USP34: variants seen among roughly 807,000 people sequenced by gnomAD.
USP34 encodes ubiquitin specific peptidase 34.
In USP34, 70 loss-of-function variants were observed where a neutral mutation model predicts 460.3. The observed-to-expected ratio is 0.15, with a 90% CI of 0.13 to 0.19. The LOEUF is 0.19. Among genes scored for constraint, USP34 ranks in the 10% least tolerant of loss-of-function variants. The pLI, the probability that USP34 is intolerant of heterozygous loss-of-function variation, is 1.00. For missense variants in USP34, 3,985 were observed against 4,236.2 expected, an observed-to-expected ratio of 0.94 and a Z score of 1.65; for synonymous variants, 1,647 against 1,405.3, an observed-to-expected ratio of 1.17 and a Z score of -3.85.
At chr2:61,224,862 T>C (rs1187021350) in intron 62 of USP34, among the ~76,000 whole-genome samples, 1 of 152,238 alleles carries the variant, frequency 6.6e-6, no homozygotes, top group Non-Finnish European at 1.5e-5. Context: ...CTCTTGAGTT[T>C]CTTTACCATG....
chr2:61,387,577 TAA>T (rs1268892554), intron 5 of USP34, among the ~76,000 whole-genome samples: 4 of 146,056 alleles, frequency 2.7e-5, no homozygotes, highest in Admixed American at 6.9e-5. Context: ...CACACATATA[TAA>T]AATATATATA....
At chr2:61,189,176 TAAG>T in intron 78 of USP34, 107 bp from the exon 79 acceptor site, 1 of 1,196,530 alleles carries the variant, frequency 8.4e-7, no homozygotes, top group Non-Finnish European at 1.2e-6. Flanking sequence ...CATTCTTTCC[TAAG>T]AATACCCTGG....
chr2:61,237,423 A>G (rs1688099508), intron 53 of USP34, among the ~76,000 whole-genome samples: 1 of 152,044 alleles, frequency 6.6e-6, no homozygotes, highest in South Asian at 2.1e-4. Flanking sequence ...CTGGACCTAA[A>G]GGCTGGTAAT....
intron 27 of USP34, among the ~76,000 whole-genome samples, chr2:61,306,538 G>C (rs1035995849): frequency 6.6e-6 from 1 of 152,132 alleles, no homozygotes; most frequent in African/African-American, 2.4e-5. Context: ...GCTTAGGATT[G>C]TCTTGGCAAT....
Position 61,219,445 on chromosome 2 carries a change from C to A in USP34, c.8047+865G>T, listed in dbSNP as rs547855453. The stretch of plus-strand genomic sequence containing the variant: ...CAACACTTTGGGAGGCAGAGGTGGG[C>A]GGATCACTTGAGGTCAGGAGATCAA... On this transcript the variant is annotated intron_variant, in intron 67 of 79. Transcript: ENST00000398571. Among the ~76,000 whole-genome samples the A allele has an allele frequency of 9.9e-5, 15 of 152,136 alleles. No homozygotes were observed. In the South Asian group the frequency reaches 2.9e-3, roughly 29 times the overall value.
chr2:61,377,926 C>T (rs1274381114), intron 8 of USP34, among the ~76,000 whole-genome samples: 1 of 152,206 alleles, frequency 6.6e-6, no homozygotes. Flanking sequence ...CGCCTGTAAT[C>T]CCAACACTTT....
chr2:61,221,780 G>C (rs1206275424), intron 65 of USP34, 174 bp from the exon 66 acceptor site: 3 of 515,496 alleles, frequency 5.8e-6, no homozygotes, highest in Non-Finnish European at 9.8e-6. Flanking sequence ...GGATCAGCGA[G>C]GGGTACAAAG....
At chr2:61,334,511 A>G (rs1180435650) in intron 18 of USP34, among the ~76,000 whole-genome samples, 1 of 152,190 alleles carries the variant, frequency 6.6e-6, no homozygotes, top group African/African-American at 2.4e-5. Context: ...GGTTGGCTGC[A>G]TGAGCCTTAA....
At position 61,207,057 on chromosome 2, in the gene USP34, T is replaced by C; in HGVS notation, c.8920-171A>G. ...TCCTGAAGTTAAACTCTCATTAAGC[T>C]CTTTTAAACATTCCTCACCTTCAGA... is the stretch of plus-strand genomic sequence containing the variant. On this transcript the variant is annotated intron_variant, in intron 70 of 79. Coordinates refer to ENST00000398571, the MANE Select transcript of USP34 (RefSeq NM_014709.4). 1.3e-5 allele frequency: 8 copies of C among 610,198 alleles called. No homozygotes were observed. In the South Asian group the frequency reaches 1.7e-4, roughly 13 times the overall value. The allele number at this position is 610,198 out of a possible 1,614,324, so 37.8% of individuals were successfully genotyped here.
At chr2:61,221,726 A>G (rs1687593270) in intron 65 of USP34, 120 bp from the exon 66 acceptor site, 2 of 863,304 alleles carry the variant, frequency 2.3e-6, no homozygotes, top group African/African-American at 3.5e-5. Context: ...AGGAGAGCTC[A>G]GCCAGTACTT....
chr2:61,461,992 C>T (rs1227987942), intron 1 of USP34, among the ~76,000 whole-genome samples: 3 of 152,084 alleles, frequency 2.0e-5, no homozygotes, highest in Non-Finnish European at 4.4e-5. Context: ...GTAGTCACAG[C>T]ATTTTAGGGG....
At chr2:61,360,026 AC>A (rs924961559) in intron 10 of USP34, among the ~76,000 whole-genome samples, 11 of 151,486 alleles carry the variant, frequency 7.3e-5, no homozygotes, top group Non-Finnish European at 1.6e-4. Context: ...CTCACGATCC[AC>A]CCGCCTCAGC....
At chr2:61,405,235 AAAAAAAAAAAAAAAAAAAAAAAG>A in intron 3 of USP34, among the ~76,000 whole-genome samples, 1 of 40,898 alleles carries the variant, frequency 2.4e-5, no homozygotes, top group East Asian at 1.2e-3. Flanking sequence ...TCCATCTCAA[AAAAAAAAAAAAAAAAAAAAAAAG>A]AAAGAAAGAA....
intron 1 of USP34, among the ~76,000 whole-genome samples, chr2:61,454,557 GTTC>G (rs1331917249): frequency 6.6e-6 from 1 of 151,748 alleles, no homozygotes; most frequent in African/African-American, 2.4e-5. Flanking sequence ...TCAATATAGT[GTTC>G]TTGTTTTGAG....
At chr2:61,434,355 G>T (rs1694756477) in intron 1 of USP34, among the ~76,000 whole-genome samples, 1 of 152,038 alleles carries the variant, frequency 6.6e-6, no homozygotes, top group Admixed American at 6.5e-5. Context: ...ACACATCTAG[G>T]CTGGCTGAGC....
chr2:61,347,834 A>T, intron 15 of USP34, 36 bp downstream of exon 15: 1 of 1,599,516 alleles, frequency 6.3e-7, no homozygotes, highest in Non-Finnish European at 8.5e-7. Flanking sequence ...CCCTAAAGGA[A>T]ATATGAACTG....
intron 20 of USP34, among the ~76,000 whole-genome samples, chr2:61,330,646 G>C (rs1012576060): frequency 6.6e-6 from 1 of 151,976 alleles, no homozygotes; most frequent in South Asian, 2.1e-4. Flanking sequence ...CATGGACATC[G>C]GTCCATAACA....
intron 1 of USP34, among the ~76,000 whole-genome samples, chr2:61,423,344 A>C (rs1013415229): frequency 6.6e-6 from 1 of 152,082 alleles, no homozygotes; most frequent in Non-Finnish European, 1.5e-5. Context: ...ACTCCTGATC[A>C]TAAGTGATAT....
intron 10 of USP34, 72 bp from the exon 11 acceptor site, chr2:61,350,765 A>G: frequency 1.3e-6 from 2 of 1,490,256 alleles, no homozygotes; most frequent in South Asian, 1.4e-5. Flanking sequence ...ATATAAAAAC[A>G]GTTTGAAAGT....
Sources: gnomAD v4.1 joint callset for allele counts (sites outside exome capture counted in the v4.1 genomes callset) on GRCh38, gnomAD v4.1.1 for gene constraint, MANE v1.5 for transcripts, NCBI Gene and HGNC (gene_info 2026-07-23, HGNC 2026-07-21) for gene names.